Variants in ATP1B3 observed in about 807,000 individuals in gnomAD.
ATP1B3 encodes sodium/potassium-transporting ATPase subunit beta-3.
ATP1B3 carries 10 observed loss-of-function variants against 30.2 expected under a neutral mutation model. The ratio of observed to expected loss-of-function variants is 0.33; its 90% confidence interval spans 0.20 to 0.56. ATP1B3 has a LOEUF of 0.56. Among genes scored for constraint, ATP1B3 ranks in the 20% least tolerant of loss-of-function variants. The probability of loss-of-function intolerance (pLI) is 0.90; values close to 1 mark genes in which losing one functional copy is unlikely to be tolerated. For missense variants in ATP1B3, 238 were observed against 336.7 expected (o/e 0.71, Z 2.29); for synonymous variants, 113 against 117.0 (o/e 0.97, Z 0.22).
chr3:141,922,129 C>A, intron 6 of ATP1B3, 66 bp downstream of exon 6: 1 of 972,084 alleles, frequency 1.0e-6, no homozygotes, highest in Non-Finnish European at 1.5e-6. Context: ...TGTTGACGTA[C>A]CACTTGTCTG....
intron 1 of ATP1B3, among the ~76,000 whole-genome samples, chr3:141,896,544 T>C (rs1003688179): frequency 5.3e-5 from 8 of 152,016 alleles, no homozygotes; most frequent in African/African-American, 1.9e-4. Context: ...ATAAGTAATA[T>C]GTTTTGTTGT....
intron 3 of ATP1B3, among the ~76,000 whole-genome samples, chr3:141,910,999 AT>A (rs140329530): frequency 0.043 from 5,971 of 138,482 alleles, 386 homozygotes; most frequent in African/African-American, 0.15. Flanking sequence ...AAAGTTTTTC[AT>A]TTTTTTTTTC....
chr3:141,917,689 T>TCA lies in ATP1B3; in HGVS notation c.582+1680_582+1681dup, dbSNP rs547029001. Among the ~76,000 whole-genome samples the TCA allele has an allele frequency of 4.5e-3, 684 of 151,720 alleles. 4 individuals are homozygous for TCA. Among genetic ancestry groups the TCA allele is most frequent in the Non-Finnish European group, 7.8e-3 (531 of 67,874 alleles). On this transcript the variant is annotated intron_variant, in intron 5 of 6. Transcript: ENST00000286371. ...AGCCTGTTGGCAGAGTGAGACTCCA[T>TCA]CACACACACACAAAAAGCCAGAATC...
At chr3:141,884,657 A>G (rs1053002899) in intron 1 of ATP1B3, among the ~76,000 whole-genome samples, 1 of 152,178 alleles carries the variant, frequency 6.6e-6, no homozygotes, top group African/African-American at 2.4e-5. Context: ...CGTGAAAAGG[A>G]GAGACTGGCC....
chr3:141,905,900 G>T (rs956000711), intron 2 of ATP1B3, among the ~76,000 whole-genome samples: 2 of 151,742 alleles, frequency 1.3e-5, no homozygotes, highest in African/African-American at 4.8e-5. Context: ...GATTATTTTA[G>T]TACTTAAAGT....
At chr3:141,921,554 G>A (rs9869659) in intron 5 of ATP1B3, 55,405 of 153,054 alleles carry the variant, frequency 0.36, 10,535 homozygotes, top group East Asian at 0.67. Context: ...GGCACCTTGT[G>A]GTGGCTGTTG....
chr3:141,882,496 A>G (rs550501651), intron 1 of ATP1B3, among the ~76,000 whole-genome samples: 10 of 152,260 alleles, frequency 6.6e-5, no homozygotes, highest in Admixed American at 5.2e-4. Context: ...GTGACCATAC[A>G]TACTTCCTGT....
chr3:141,896,059 AATG>A (rs1934059033), intron 1 of ATP1B3, among the ~76,000 whole-genome samples: 1 of 152,136 alleles, frequency 6.6e-6, no homozygotes, highest in African/African-American at 2.4e-5. Context: ...TGCTTCAAAA[AATG>A]TGTCTTGGAC....
At chr3:141,908,924 G>C (rs1459853451) in intron 3 of ATP1B3, among the ~76,000 whole-genome samples, 1 of 152,104 alleles carries the variant, frequency 6.6e-6, no homozygotes, top group African/African-American at 2.4e-5. Flanking sequence ...CTCTGACTGG[G>C]GGCTGCCCTT....
In ATP1B3 at chr3:141,907,210, A is replaced by T. The variant is rs746153050; in HGVS notation, c.282A>T (p.Thr94=). The change falls in exon 3 of 7, where the codon ACA becomes ACT. Residue 94 remains threonine, a synonymous_variant. Transcript: ENST00000286371. ...FPKPVTALEY[T]FSRSDPTSYA... Reference sequence around the variant, plus strand: ...AACCAGTGACCGCATTGGAATATACATTCAGTAGGTCTGATCCAACTTCGT... The same window carrying T: ...AACCAGTGACCGCATTGGAATATACTTTCAGTAGGTCTGATCCAACTTCGT... The T allele has an allele frequency of 5.6e-6, 9 of 1,612,282 alleles. No homozygotes were observed. The highest frequency in any genetic ancestry group is 4.2e-6 in the Non-Finnish European group (5 of 1,179,336).
intron 1 of ATP1B3, among the ~76,000 whole-genome samples, chr3:141,895,911 A>G (rs1934056865): frequency 6.6e-6 from 1 of 152,130 alleles, no homozygotes. Context: ...AATTTCTAGC[A>G]TTCTGGTGGG....
At chr3:141,878,928 A>G (rs1933660572) in intron 1 of ATP1B3, among the ~76,000 whole-genome samples, 1 of 152,152 alleles carries the variant, frequency 6.6e-6, no homozygotes, top group Admixed American at 6.5e-5. Context: ...CAGGCTGTGT[A>G]TCCTAGACCA....
At chr3:141,881,573 T>G (rs1933726926) in intron 1 of ATP1B3, among the ~76,000 whole-genome samples, 1 of 152,228 alleles carries the variant, frequency 6.6e-6, no homozygotes, top group Non-Finnish European at 1.5e-5. Context: ...TTCCATTGTC[T>G]GTCACATAAT....
At chr3:141,899,721 T>G (rs1014624027) in intron 1 of ATP1B3, among the ~76,000 whole-genome samples, 3 of 152,070 alleles carry the variant, frequency 2.0e-5, no homozygotes, top group African/African-American at 7.2e-5. Context: ...AATACAAAAT[T>G]AGCCAGGTGT....
At chr3:141,879,464 T>C (rs922662369) in intron 1 of ATP1B3, among the ~76,000 whole-genome samples, 5 of 152,086 alleles carry the variant, frequency 3.3e-5, no homozygotes, top group Non-Finnish European at 7.4e-5. Context: ...ACCTGTGTTA[T>C]CTCTTTTAAA....
chr3:141,884,116 T>TC (rs1467143117), intron 1 of ATP1B3, among the ~76,000 whole-genome samples: 1 of 152,188 alleles, frequency 6.6e-6, no homozygotes, highest in Non-Finnish European at 1.5e-5. Context: ...GTGCCCTTCT[T>TC]CCCTTATGGG....
intron 4 of ATP1B3, among the ~76,000 whole-genome samples, chr3:141,914,574 T>C (rs1934424509): frequency 6.6e-6 from 1 of 152,216 alleles, no homozygotes; most frequent in African/African-American, 2.4e-5. Flanking sequence ...TTCAGAGTTG[T>C]GTTCTGATGC....
intron 6 of ATP1B3, 42 bp downstream of exon 6, chr3:141,922,105 G>A: frequency 8.0e-7 from 1 of 1,252,974 alleles, no homozygotes; most frequent in Non-Finnish European, 1.1e-6. Context: ...ACTCTTTTGG[G>A]AAGCTGGAGC....
intron 3 of ATP1B3, among the ~76,000 whole-genome samples, chr3:141,910,582 G>A (rs1445089897): frequency 6.6e-6 from 1 of 151,784 alleles, no homozygotes; most frequent in African/African-American, 2.4e-5. Flanking sequence ...ACTCTCTTCT[G>A]ACTTCCTTAT....
Sources: allele counts gnomAD v4.1 joint callset (sites outside exome capture counted in the v4.1 genomes callset), GRCh38; gene constraint gnomAD v4.1.1; transcripts MANE v1.5; gene names NCBI Gene and HGNC (gene_info 2026-07-23, HGNC 2026-07-21).